Variants in ARGLU1 observed in about 807,000 individuals in gnomAD.
The protein encoded by ARGLU1 is arginine and glutamate rich 1.
ARGLU1 carries 9 observed loss-of-function variants against 37.6 expected under a neutral mutation model. The observed-to-expected ratio is 0.24, with a 90% CI of 0.14 to 0.42. The LOEUF is 0.42. ARGLU1 is among the 10% of genes least tolerant of loss of function. ARGLU1 has a pLI of 1.00. For missense variants in ARGLU1, 211 were observed against 359.2 expected, an observed-to-expected ratio of 0.59 and a Z score of 3.34; for synonymous variants, 166 against 138.5, an observed-to-expected ratio of 1.20 and a Z score of -1.39.
chr13:106,566,293 T>C (rs886476245), intron 1 of ARGLU1, among the ~76,000 whole-genome samples: 3 of 152,198 alleles, frequency 2.0e-5, no homozygotes, highest in African/African-American at 7.2e-5. Context: ...AGTCCTACCT[T>C]TTAGTAACTT....
rs1286530780 is a variant in ARGLU1, at chr13:106,543,020, T to G, written c.*976A>C. On this transcript the variant is annotated 3_prime_UTR_variant, in exon 4 of 4. Transcript: ENST00000400198. The stretch of plus-strand genomic sequence containing the variant: ...AAGCATTTTTCTAGCCTTTATTAAG[T>G]ATACTTTGTGATAATACTTATATCC... The G allele has an allele frequency of 1.3e-5, 2 of 152,090 alleles. No homozygotes were observed. Among genetic ancestry groups the G allele is most frequent in the Non-Finnish European group, 2.9e-5 (2 of 67,944 alleles). The allele number at this position is 152,090 out of a possible 1,614,324, so 9.4% of individuals were successfully genotyped here.
At chr13:106,565,761 G>T (rs1880945576) in intron 1 of ARGLU1, among the ~76,000 whole-genome samples, 1 of 152,152 alleles carries the variant, frequency 6.6e-6, no homozygotes, top group Non-Finnish European at 1.5e-5. Context: ...ACAGGTGGCT[G>T]CTAGTCCTGG....
intron 1 of ARGLU1, among the ~76,000 whole-genome samples, chr13:106,560,707 GAATA>G (rs1880776557): frequency 1.3e-5 from 2 of 152,188 alleles, no homozygotes; most frequent in African/African-American, 2.4e-5. Flanking sequence ...TGTGCTGAAT[GAATA>G]AATTCTGAGG....
intron 2 of ARGLU1, chr13:106,558,473 C>A (rs1880714318): frequency 4.1e-6 from 4 of 985,332 alleles, no homozygotes; most frequent in Non-Finnish European, 4.8e-6. Context: ...CAAGAAAATA[C>A]AACTACAGGA....
rs1880308943 is a variant in ARGLU1, at chr13:106,543,383, C to A, written c.*613G>T. The A allele has an allele frequency of 6.6e-6, 1 of 152,398 alleles. No homozygotes were observed. The highest frequency in any genetic ancestry group is 2.4e-5 in the African/African-American group (1 of 41,378). 9.4% of individuals were successfully genotyped at this position (152,398 alleles called of 1,614,324 possible). On this transcript the variant is annotated 3_prime_UTR_variant, in exon 4 of 4. Coordinates refer to ENST00000400198, the MANE Select transcript of ARGLU1 (RefSeq NM_018011.4). ...TCATTTATTTACACAATGGGGAATG[C>A]TGGTTTGATTTTGTCAATGAAATAA...
intron 1 of ARGLU1, among the ~76,000 whole-genome samples, chr13:106,562,854 A>C (rs1566475445): frequency 6.6e-6 from 1 of 150,996 alleles, no homozygotes; most frequent in Non-Finnish European, 1.5e-5. Context: ...AAATAAATAA[A>C]AAATAAAAAT....
intron 1 of ARGLU1, among the ~76,000 whole-genome samples, chr13:106,564,778 C>T (rs1453512256): frequency 6.6e-6 from 1 of 152,168 alleles, no homozygotes; most frequent in Non-Finnish European, 1.5e-5. Context: ...AAACTCAGTA[C>T]AGTATATCCA....
chr13:106,553,113 G>A (rs983636337), intron 3 of ARGLU1, among the ~76,000 whole-genome samples: 1 of 152,130 alleles, frequency 6.6e-6, no homozygotes. Flanking sequence ...ATAAAAAAAA[G>A]TGATATACAT....
intron 1 of ARGLU1, among the ~76,000 whole-genome samples, chr13:106,561,449 AC>A (rs1880797908): frequency 6.6e-6 from 1 of 151,974 alleles, no homozygotes; most frequent in African/African-American, 2.4e-5. Flanking sequence ...ACACACACAC[AC>A]ACACACACAC....
chr13:106,544,439 T>A (rs1414960251), intron 3 of ARGLU1, among the ~76,000 whole-genome samples: 1 of 152,216 alleles, frequency 6.6e-6, no homozygotes, highest in Non-Finnish European at 1.5e-5. Context: ...GAACCCTTTA[T>A]TAATTACATC....
intron 3 of ARGLU1, among the ~76,000 whole-genome samples, chr13:106,550,833 G>A (rs1019259081): frequency 6.6e-6 from 1 of 152,030 alleles, no homozygotes; most frequent in Non-Finnish European, 1.5e-5. Context: ...AAATCTCTGT[G>A]TTTGTTTTCA....
At chr13:106,563,181 AATT>A (rs1566475621) in intron 1 of ARGLU1, among the ~76,000 whole-genome samples, 1 of 152,162 alleles carries the variant, frequency 6.6e-6, no homozygotes, top group African/African-American at 2.4e-5. Context: ...ATCGCTTAAT[AATT>A]ATTAGCAAAC....
In ARGLU1 at chr13:106,568,105, C is replaced by A. The variant is rs969392610; in HGVS notation, c.-186G>T. 9 of 916,132 alleles carry A rather than the reference C, an allele frequency of 9.8e-6. No homozygotes were observed. Among genetic ancestry groups the A allele is most frequent in the Non-Finnish European group, 1.4e-5 (9 of 651,844 alleles). The allele number at this position is 916,132 out of a possible 1,614,324, so 56.8% of individuals were successfully genotyped here. ...CGAAGGCCGCCTCCAACGAGAAACC[C>A]GTAGCGCCAGGCGCCCCTAAGATGG... On this transcript the variant is annotated 5_prime_UTR_variant, in exon 1 of 4. Coordinates refer to ENST00000400198, the MANE Select transcript of ARGLU1 (RefSeq NM_018011.4).
chr13:106,547,219 T>C (rs1265090035), intron 3 of ARGLU1, among the ~76,000 whole-genome samples: 2 of 152,186 alleles, frequency 1.3e-5, no homozygotes, highest in Non-Finnish European at 2.9e-5. Flanking sequence ...AATATTTTTA[T>C]AAATTACCCT....
chr13:106,556,970 C>CA, intron 3 of ARGLU1, 78 bp downstream of exon 3: 1 of 1,335,116 alleles, frequency 7.5e-7, no homozygotes, highest in Non-Finnish European at 1.1e-6. Flanking sequence ...TTATAGGGCA[C>CA]AAAAATCAAT....
rs930129698 is a variant in ARGLU1 at position 106,542,762 on chromosome 13, TTAAGAG to T, written c.*1228_*1233del. Reference sequence around the variant, plus strand: ...TAATACCAGTATACTTAAACATATGTTAAGAGTAAATGAGGCAGATTCTAGTGTATA... The same window carrying T: ...TAATACCAGTATACTTAAACATATGTTAAATGAGGCAGATTCTAGTGTATA... On this transcript the variant is annotated 3_prime_UTR_variant, in exon 4 of 4. Coordinates refer to ENST00000400198, the MANE Select transcript of ARGLU1 (RefSeq NM_018011.4). The T allele has an allele frequency of 1.3e-5, 2 of 151,910 alleles. No homozygotes were observed. The highest frequency in any genetic ancestry group is 4.8e-5 in the African/African-American group (2 of 41,364). The allele number at this position is 151,910 out of a possible 1,614,324, so 9.4% of individuals were successfully genotyped here. A position where few individuals can be genotyped will look rare whatever the true frequency, so the allele number is the denominator to read the frequency against.
At chr13:106,546,869 C>G (rs1375889700) in intron 3 of ARGLU1, among the ~76,000 whole-genome samples, 1 of 152,120 alleles carries the variant, frequency 6.6e-6, no homozygotes, top group African/African-American at 2.4e-5. Flanking sequence ...CAAAGTGTGA[C>G]AGCACACTGC....
chr13:106,544,134 T>C lies in ARGLU1; in HGVS notation c.684A>G (p.Glu228=), dbSNP rs752184474. Residue 228 remains glutamate, a synonymous_variant, in exon 4 of 4, where the codon GAA becomes GAG. Transcript: ENST00000400198. ...TTTCCTCATGAATCTTTCTTTGTTCTTCAACAATTCTCAACTGTTCTTCGG... is the reference window on the plus strand; with the variant it reads ...TTTCCTCATGAATCTTTCTTTGTTCCTCAACAATTCTCAACTGTTCTTCGG... ...KLAEEQLRIV[E]EQRKIHEERM... is the part of the protein sequence containing the mutation. 7.6e-6 allele frequency: 12 copies of C among 1,588,234 alleles called. No individual in the cohort carries two copies. The highest frequency in any genetic ancestry group is 1.8e-4 in the Middle Eastern group (1 of 5,456).
Position 106,557,861 on chromosome 13 carries a change from T to C in ARGLU1, c.574-730A>G. 1.0e-6 allele frequency: 1 copy of C among 985,448 alleles called. No individual in the cohort carries two copies. The highest frequency in any genetic ancestry group is 1.2e-6 in the Non-Finnish European group (1 of 829,918). The allele number at this position is 985,448 out of a possible 1,614,324, so 61.0% of individuals were successfully genotyped here. On this transcript the variant is annotated intron_variant, in intron 2 of 3. Transcript: ENST00000400198. This position sits in a 1 kb window ranked among gnomAD's most constrained non-coding sequence, Gnocchi z 5.0. ...CTACGGGCTTCTTCCATGGGGAAAA[T>C]GGACTTAACATTCAGATGTTGACAA...
Sources: allele counts gnomAD v4.1 joint callset (sites outside exome capture counted in the v4.1 genomes callset), GRCh38; gene constraint gnomAD v4.1.1; non-coding constraint Gnocchi (gnomAD v3.1); transcripts MANE v1.5; gene names NCBI Gene and HGNC (gene_info 2026-07-23, HGNC 2026-07-21).